Variants in MTDH observed in about 807,000 individuals in gnomAD.
The protein encoded by MTDH is metadherin.
A neutral mutation model predicts 72.7 loss-of-function variants in MTDH; 34 were observed. The observed-to-expected ratio is 0.47, with a 90% CI of 0.36 to 0.62. The LOEUF is 0.62. MTDH is among the 20% of genes least tolerant of loss of function. The pLI is 0.00. For missense variants in MTDH, 677 were observed against 699.4 expected (o/e 0.97, Z 0.36); for synonymous variants, 266 against 268.9 (o/e 0.99, Z 0.10).
intron 8 of MTDH, among the ~76,000 whole-genome samples, chr8:97,711,085 A>G (rs1306222727): frequency 2.0e-5 from 3 of 152,180 alleles, no homozygotes; most frequent in Non-Finnish European, 4.4e-5. Context: ...AACAGTGCTA[A>G]CTTGATAGGT....
At chr8:97,700,124 ATGTC>A (rs1264738265) in intron 7 of MTDH, among the ~76,000 whole-genome samples, 3 of 152,178 alleles carry the variant, frequency 2.0e-5, no homozygotes, top group Non-Finnish European at 2.9e-5. Context: ...TTTTAAATGA[ATGTC>A]TGTTTCTCCT....
At chr8:97,707,649 G>A (rs1335828018) in intron 8 of MTDH, among the ~76,000 whole-genome samples, 1 of 151,926 alleles carries the variant, frequency 6.6e-6, no homozygotes, top group Non-Finnish European at 1.5e-5. Context: ...ATATGGAAAT[G>A]AATTTTATTT....
At chr8:97,709,352 A>G (rs1289563248) in intron 8 of MTDH, among the ~76,000 whole-genome samples, 2 of 152,146 alleles carry the variant, frequency 1.3e-5, no homozygotes, top group African/African-American at 4.8e-5. Context: ...CAATATCGTA[A>G]TATATAATAC....
At chr8:97,645,590 C>T (rs1811535733) in intron 1 of MTDH, among the ~76,000 whole-genome samples, 1 of 151,994 alleles carries the variant, frequency 6.6e-6, no homozygotes, top group African/African-American at 2.4e-5. Context: ...CACTCTGTGG[C>T]GTGGTAGATT....
chr8:97,703,999 C>A (rs75551051), intron 7 of MTDH, among the ~76,000 whole-genome samples: 15 of 152,322 alleles, frequency 9.8e-5, no homozygotes, highest in African/African-American at 3.1e-4. Flanking sequence ...CTCTTCGCCT[C>A]TGTGCTACTA....
chr8:97,664,925 T>G (rs779583479), intron 2 of MTDH, among the ~76,000 whole-genome samples: 11 of 152,250 alleles, frequency 7.2e-5, no homozygotes, highest in Non-Finnish European at 1.3e-4. Context: ...CACGCCCAGC[T>G]ATTTTTTGTA....
rs577231752 is a variant in MTDH, at chr8:97,710,240, T to G, written c.1273-3422T>G. The stretch of plus-strand genomic sequence containing the variant: ...TAGTTCGTGAGACCACCAAAATCAT[T>G]ATAATGACTATAGTGCTGAGCAGAG... On this transcript the variant is annotated intron_variant, in intron 8 of 11. Transcript: ENST00000336273. 3.3e-5 allele frequency among the ~76,000 whole-genome samples: 5 copies of G among 152,310 alleles called. No homozygotes were observed. The South Asian group carries it at 1.0e-3, about 32-fold the overall frequency.
chr8:97,723,037 T>C lies in MTDH; in HGVS notation c.1678+2T>C. On this transcript the variant is annotated splice_donor_variant, in intron 11 of 11. Coordinates refer to ENST00000336273, the MANE Select transcript of MTDH (RefSeq NM_178812.4). LOFTEE classifies it high-confidence loss of function. Reference sequence around the variant, plus strand: ...AAAATAGTGTGCCTCCTTCACAGAGTAAGTAATCCTCATTTTTTGTTCCTT... The same window carrying C: ...AAAATAGTGTGCCTCCTTCACAGAGCAAGTAATCCTCATTTTTTGTTCCTT... The C allele has an allele frequency of 6.2e-7, 1 of 1,611,788 alleles. No homozygotes were observed. The highest frequency in any genetic ancestry group is 8.5e-7 in the Non-Finnish European group (1 of 1,179,162).
At position 97,682,228 on chromosome 8, in the gene MTDH, CTTTATATATATATA is replaced by C. The variant is rs1280866669; in HGVS notation, c.484-4438_484-4425del. Among the ~76,000 whole-genome samples the C allele has an allele frequency of 6.2e-3, 275 of 44,050 alleles. 1 individual carries two copies. The highest frequency in any genetic ancestry group is 8.0e-3 in the Non-Finnish European group (198 of 24,872). The allele number at this position is 44,050 out of a possible 152,430, so 28.9% of individuals were successfully genotyped here. A position where few individuals can be genotyped will look rare whatever the true frequency, so the allele number is the denominator to read the frequency against. ...TCGGGATGGGTGTTCTTGTTAATTA[CTTTATATATATATA>C]TATATATATATATATATATATATAT... On this transcript the variant is annotated intron_variant, in intron 2 of 11. Coordinates refer to ENST00000336273, the MANE Select transcript of MTDH (RefSeq NM_178812.4).
intron 6 of MTDH, 57 bp from the exon 7 acceptor site, chr8:97,699,697 T>G (rs1814024289): frequency 1.6e-5 from 19 of 1,188,666 alleles, no homozygotes; most frequent in Non-Finnish European, 2.4e-5. Flanking sequence ...ACTATTGTTA[T>G]GAAACATCAT....
At chr8:97,723,603 C>T (rs1192201662) in intron 11 of MTDH, among the ~76,000 whole-genome samples, 7 of 139,936 alleles carry the variant, frequency 5.0e-5, no homozygotes, top group Non-Finnish European at 7.8e-5. Context: ...ATTAGCCGGG[C>T]GTGGTGGCAG....
intron 9 of MTDH, among the ~76,000 whole-genome samples, chr8:97,714,489 AG>A (rs201219323): frequency 0.2 from 30,549 of 151,906 alleles, 3,333 homozygotes; most frequent in East Asian, 0.33. Context: ...TTGTAGCCCC[AG>A]CTACTGGGGA....
chr8:97,690,044 G>A (rs1813533744), intron 5 of MTDH, among the ~76,000 whole-genome samples: 1 of 149,472 alleles, frequency 6.7e-6, no homozygotes, highest in African/African-American at 2.5e-5. Flanking sequence ...GTCCAGGCTG[G>A]AGTGCAATGG....
intron 5 of MTDH, among the ~76,000 whole-genome samples, chr8:97,689,640 C>T (rs1813503963): frequency 6.6e-6 from 1 of 151,140 alleles, no homozygotes; most frequent in Admixed American, 6.6e-5. Context: ...TATGCCTGAC[C>T]TGAAAACAAA....
At chr8:97,706,491 G>T (rs1325897084) in intron 7 of MTDH, 135 bp from the exon 8 acceptor site, 3 of 667,616 alleles carry the variant, frequency 4.5e-6, no homozygotes, top group Non-Finnish European at 4.4e-6. Flanking sequence ...TTTTTTTTCT[G>T]GCTCTTAAAA....
intron 2 of MTDH, 59 bp downstream of exon 2, chr8:97,661,232 A>G: frequency 2.4e-6 from 3 of 1,246,378 alleles, no homozygotes; most frequent in Non-Finnish European, 3.4e-6. Flanking sequence ...ACATATAAGG[A>G]TAATGCTTTT....
rs1554584120 is a variant in MTDH at position 97,724,636 on chromosome 8, T to C, written c.1715T>C (p.Ile572Thr). 1 of 1,593,400 alleles carries C rather than the reference T, an allele frequency of 6.3e-7. No individual in the cohort carries two copies. Among genetic ancestry groups the C allele is most frequent in the East Asian group, 2.2e-5 (1 of 44,560 alleles). ...SETSWESPKQ[I>T]KKKKKARRET ...ACTAGCTGGGAATCTCCCAAACAAATAAAAAAGAAGAAAAAAGCCAGACGA... is the reference window on the plus strand; with the variant it reads ...ACTAGCTGGGAATCTCCCAAACAAACAAAAAAGAAGAAAAAAGCCAGACGA... The change falls in exon 12 of 12, where the codon ATA (isoleucine) becomes ACA (threonine). Residue 572 changes from isoleucine (I) to threonine (T), a missense_variant. Around this residue, in one of 3 missense-constraint regions of MTDH, gnomAD observed 201 missense variants for 204.5 expected, o/e 0.98. Transcript: ENST00000336273.
intron 1 of MTDH, among the ~76,000 whole-genome samples, chr8:97,651,803 A>G (rs1458520799): frequency 1.3e-5 from 2 of 152,112 alleles, no homozygotes; most frequent in African/African-American, 4.8e-5. Flanking sequence ...CAAACTTTTT[A>G]AAAATTATCT....
At chr8:97,647,950 GA>G (rs59576045) in intron 1 of MTDH, among the ~76,000 whole-genome samples, 5,303 of 115,304 alleles carry the variant, frequency 0.046, 83 homozygotes, top group Non-Finnish European at 0.059. Flanking sequence ...TCTCCTAAAA[GA>G]AAAAAAAAAA....
Sources: allele counts gnomAD v4.1 joint callset (sites outside exome capture counted in the v4.1 genomes callset), GRCh38; gene constraint gnomAD v4.1.1; regional missense constraint gnomAD v4.1.1; transcripts MANE v1.5; gene names NCBI Gene and HGNC (gene_info 2026-07-23, HGNC 2026-07-21).